ONECUT3: variants seen among roughly 807,000 people sequenced by gnomAD.
ONECUT3 encodes the protein one cut homeobox 3.
A neutral mutation model predicts 16.8 loss-of-function variants in ONECUT3; 11 were observed. That is an observed-to-expected ratio of 0.66 (90% CI 0.41 to 1.09). The LOEUF (loss-of-function observed/expected upper bound fraction) is 1.09, where lower values mean the gene tolerates loss of function less well. Ranked by LOEUF, ONECUT3 falls within the 50% of genes least tolerant of loss-of-function variation. The pLI, the probability that ONECUT3 is intolerant of heterozygous loss-of-function variation, is 0.00. For missense variants in ONECUT3, 637 were observed against 629.9 expected (o/e 1.01, Z -0.12); for synonymous variants, 344 against 310.7 (o/e 1.11, Z -1.13).
At position 1,778,778 on chromosome 19, in the gene ONECUT3, C is replaced by G. The variant is rs972483759; in HGVS notation, c.*3333C>G. 2 of 151,772 alleles carry G rather than the reference C, an allele frequency of 1.3e-5. No homozygotes were observed. The highest frequency in any genetic ancestry group is 4.9e-5 in the African/African-American group (2 of 41,132). The allele number at this position is 151,772 out of a possible 1,614,324, so 9.4% of individuals were successfully genotyped here. On this transcript the variant is annotated 3_prime_UTR_variant, in exon 2 of 2. Transcript: ENST00000382349. Reference sequence around the variant, plus strand: ...CTTGAGGCCAGGAGTTTGAGACCAGCCTGGGCAACACAGCAAGACCCCACT... The same window carrying G: ...CTTGAGGCCAGGAGTTTGAGACCAGGCTGGGCAACACAGCAAGACCCCACT...
chr19:1,754,407 G>A lies in ONECUT3; in HGVS notation c.745G>A (p.Ala249Thr), dbSNP rs1362487326. Residue 249 changes from alanine to threonine, a missense_variant, in exon 1 of 2, where the codon GCC becomes ACC. Physicochemically the swap from Ala to Thr is moderately conservative, Grantham distance 58. Transcript: ENST00000382349. This position sits in a 1 kb window ranked among gnomAD's most constrained non-coding sequence, Gnocchi z 7.4. The part of the protein sequence containing the change: ...LLPPAAFEPH[A>T]ALLGRAEDAL... Reference sequence around the variant, plus strand: ...GCCGCCCGCCGCCTTCGAGCCGCACGCCGCGCTGCTGGGACGCGCGGAGGA... The same window carrying A: ...GCCGCCCGCCGCCTTCGAGCCGCACACCGCGCTGCTGGGACGCGCGGAGGA... The A allele has an allele frequency of 2.5e-5, 27 of 1,081,688 alleles. No individual in the cohort carries two copies. The Admixed American group carries it at 1.1e-3, about 45-fold the overall frequency. 67.0% of individuals were successfully genotyped at this position (1,081,688 alleles called of 1,614,324 possible). A position where few individuals can be genotyped will look rare whatever the true frequency, so the allele number is the denominator to read the frequency against.
In ONECUT3 at chr19:1,780,731, C is replaced by T. The variant is rs188980888; in HGVS notation, c.*5286C>T. 1 of 152,338 alleles carries T rather than the reference C, an allele frequency of 6.6e-6. No individual in the cohort carries two copies. Among genetic ancestry groups the T allele is most frequent in the Non-Finnish European group, 1.5e-5 (1 of 68,046 alleles). 9.4% of individuals were successfully genotyped at this position (152,338 alleles called of 1,614,324 possible). A position where few individuals can be genotyped will look rare whatever the true frequency, so the allele number is the denominator to read the frequency against. On this transcript the variant is annotated 3_prime_UTR_variant, in exon 2 of 2. Transcript: ENST00000382349. ...GTTTAAGCAAAATCAGGCCAGTAGA[C>T]TCCTGGGGCTCCTCCTCGTGGCCCT...
In ONECUT3 at chr19:1,775,139, C is replaced by CCCCCCCCCCA; in HGVS notation, c.1193-13_1193-12insCCCCCCCCAC. The CCCCCCCCCCA allele has an allele frequency of 7.3e-7, 1 of 1,367,570 alleles. No homozygotes were observed. The highest frequency in any genetic ancestry group is 9.8e-7 in the Non-Finnish European group (1 of 1,021,606). The allele number at this position is 1,367,570 out of a possible 1,614,324, so 84.7% of individuals were successfully genotyped here. A position where few individuals can be genotyped will look rare whatever the true frequency, so the allele number is the denominator to read the frequency against. On this transcript the variant is annotated splice_polypyrimidine_tract_variant and intron_variant, in intron 1 of 1. Transcript: ENST00000382349. ...TGTGTCCCGCTCGCCCGCCCGCCCG[C>CCCCCCCCCCA]CGCTCGCCCGCAGCCTGCAAGCGCA...
rs1332476588 is a variant in ONECUT3 at position 1,758,691 on chromosome 19, C to T, written c.1192+3837C>T. Among the ~76,000 whole-genome samples, 2 of 151,354 alleles carry T rather than the reference C, an allele frequency of 1.3e-5. No homozygotes were observed. Among genetic ancestry groups the T allele is most frequent in the Admixed American group, 6.6e-5 (1 of 15,202 alleles). Reference sequence around the variant, plus strand: ...CCCCACCCCATGGTCCTCCGAGTCCCGCACTTCGGAGCTGCCTCCTGGTCA... The same window carrying T: ...CCCCACCCCATGGTCCTCCGAGTCCTGCACTTCGGAGCTGCCTCCTGGTCA... On this transcript the variant is annotated intron_variant, in intron 1 of 1. Coordinates refer to ENST00000382349, the MANE Select transcript of ONECUT3 (RefSeq NM_001080488.2). This position sits in a 1 kb window ranked among gnomAD's most constrained non-coding sequence, Gnocchi z 5.9.
In ONECUT3 at chr19:1,754,188, G is replaced by A; in HGVS notation, c.526G>A (p.Ala176Thr). 8.6e-7 allele frequency: 1 copy of A among 1,163,900 alleles called. No homozygotes were observed. The highest frequency in any genetic ancestry group is 1.1e-6 in the Non-Finnish European group (1 of 934,230). 72.1% of individuals were successfully genotyped at this position (1,163,900 alleles called of 1,614,324 possible). The change falls in exon 1 of 2, where the codon GCG (alanine) becomes ACG (threonine). Residue 176 changes from alanine (A) to threonine (T), a missense_variant. By Grantham distance (58) the Ala-to-Thr change is moderately conservative (BLOSUM62 0). Around this residue, in one of 3 missense-constraint regions of ONECUT3, gnomAD observed 419 missense variants for 377.9 expected, o/e 1.11. Coordinates refer to ENST00000382349, the MANE Select transcript of ONECUT3 (RefSeq NM_001080488.2). This position sits in a 1 kb window ranked among gnomAD's most constrained non-coding sequence, Gnocchi z 7.4. ...CTTCACCCTCATGCGCGACGAGCGGGCGGCGCTCGCCTCCGTGGGCCACCT... is the reference window on the plus strand; with the variant it reads ...CTTCACCCTCATGCGCGACGAGCGGACGGCGCTCGCCTCCGTGGGCCACCT... ...GSFTLMRDER[A>T]ALASVGHLYG...
intron 1 of ONECUT3, among the ~76,000 whole-genome samples, chr19:1,760,123 G>A (rs536739700): frequency 2.0e-5 from 3 of 152,206 alleles, no homozygotes; most frequent in East Asian, 1.9e-4. Flanking sequence ...TTTTGAACCC[G>A]ATGCGGTTCC....
rs182724246 is a variant in ONECUT3, at chr19:1,759,227, G to A, written c.1192+4373G>A. 6.1e-3 allele frequency among the ~76,000 whole-genome samples: 923 copies of A among 152,304 alleles called. 5 individuals are homozygous for A. Among genetic ancestry groups the A allele is most frequent in the Non-Finnish European group, 8.2e-3 (557 of 68,022 alleles). Reference sequence around the variant, plus strand: ...CCTCTGTTTGGTGGTGGGTGAGCAGGGGGGATGCCAGGGACTGGGGACCTG... The same window carrying A: ...CCTCTGTTTGGTGGTGGGTGAGCAGAGGGGATGCCAGGGACTGGGGACCTG... On this transcript the variant is annotated intron_variant, in intron 1 of 1. Coordinates refer to ENST00000382349, the MANE Select transcript of ONECUT3 (RefSeq NM_001080488.2). The surrounding 1 kb of genome is among the most constrained non-coding windows in gnomAD (Gnocchi z 4.1).
intron 1 of ONECUT3, among the ~76,000 whole-genome samples, chr19:1,763,300 G>A (rs1291266944): frequency 6.9e-6 from 1 of 145,350 alleles, no homozygotes; most frequent in Non-Finnish European, 1.5e-5. Context: ...GGAGGCAGAG[G>A]TTGCAGTGAG....
At chr19:1,774,364 T>G (rs959270466) in intron 1 of ONECUT3, among the ~76,000 whole-genome samples, 1 of 151,596 alleles carries the variant, frequency 6.6e-6, no homozygotes, top group African/African-American at 2.4e-5. Context: ...GAGGATCACT[T>G]GAGGCCAGGC....
At chr19:1,760,167 G>C (rs926822003) in intron 1 of ONECUT3, among the ~76,000 whole-genome samples, 5 of 152,220 alleles carry the variant, frequency 3.3e-5, no homozygotes, top group Non-Finnish European at 7.3e-5. Context: ...AGCTGAGGCC[G>C]AAGAGAAAGG....
At chr19:1,768,914 GAGGTGGTGGAGGTGA>G (rs1403559939) in intron 1 of ONECUT3, among the ~76,000 whole-genome samples, 11 of 147,762 alleles carry the variant, frequency 7.4e-5, no homozygotes, top group Non-Finnish European at 1.4e-4. Context: ...GGTGGAGGTG[GAGGTGGTGGAGGTGA>G]AGGTGGAGGA....
In ONECUT3 at chr19:1,762,586, C is replaced by T. The variant is rs1181364098; in HGVS notation, c.1192+7732C>T. 6.6e-6 allele frequency among the ~76,000 whole-genome samples: 1 copy of T among 152,226 alleles called. No homozygotes were observed. Among genetic ancestry groups the T allele is most frequent in the East Asian group, 1.9e-4 (1 of 5,192 alleles). The stretch of plus-strand genomic sequence containing the variant: ...GCGGGTGTGTGGATCCCAGAGCGCG[C>T]CCGGCCCCCAACAGCCTGACAGGAC... On this transcript the variant is annotated intron_variant, in intron 1 of 1. Transcript: ENST00000382349. This position sits in a 1 kb window ranked among gnomAD's most constrained non-coding sequence, Gnocchi z 4.4.
At position 1,758,370 on chromosome 19, in the gene ONECUT3, C is replaced by T. The variant is rs1198127370; in HGVS notation, c.1192+3516C>T. On this transcript the variant is annotated intron_variant, in intron 1 of 1. Transcript: ENST00000382349. The surrounding 1 kb of genome is among the most constrained non-coding windows in gnomAD (Gnocchi z 5.9). ...GGAGAGGAACTCTGGGTGCTGGAGG[C>T]TGCCTCTGTGTCCACCCCCGCCCTC... is the stretch of plus-strand genomic sequence containing the variant. Among the ~76,000 whole-genome samples the T allele has an allele frequency of 1.3e-5, 2 of 150,600 alleles. No homozygotes were observed. The highest frequency in any genetic ancestry group is 2.9e-5 in the Non-Finnish European group (2 of 67,860).
In ONECUT3 at chr19:1,753,770, C is replaced by A; in HGVS notation, c.108C>A (p.Arg36=). 1 of 990,442 alleles carries A rather than the reference C, an allele frequency of 1.0e-6. No individual in the cohort carries two copies. The highest frequency in any genetic ancestry group is 1.2e-6 in the Non-Finnish European group (1 of 834,026). 61.4% of individuals were successfully genotyped at this position (990,442 alleles called of 1,614,324 possible). A position where few individuals can be genotyped will look rare whatever the true frequency, so the allele number is the denominator to read the frequency against. The change falls in exon 1 of 2, where the codon CGC becomes CGA. Residue 36 remains arginine (R), a synonymous_variant. Transcript: ENST00000382349. ...GHARSAAAQH[R]GLVAPGRPGL... is the part of the protein sequence containing the mutation. ...CGCGCTCGGCGGCGGCGCAGCACCG[C>A]GGCCTGGTGGCGCCCGGGCGCCCGG...
rs2145958335 is a variant in ONECUT3, at chr19:1,759,458, T to G, written c.1192+4604T>G. ...CTGGAACCCCCACCCAAACTCTGGA[T>G]GAAGGGGAGGGATGAGCAGGGAGAG... is the stretch of plus-strand genomic sequence containing the variant. On this transcript the variant is annotated intron_variant, in intron 1 of 1. Coordinates refer to ENST00000382349, the MANE Select transcript of ONECUT3 (RefSeq NM_001080488.2). The surrounding 1 kb of genome is among the most constrained non-coding windows in gnomAD (Gnocchi z 4.1). Among the ~76,000 whole-genome samples the G allele has an allele frequency of 3.5e-5, 5 of 141,552 alleles. No homozygotes were observed. Among genetic ancestry groups the G allele is most frequent in the South Asian group, 2.3e-4 (1 of 4,272 alleles). The allele number at this position is 141,552 out of a possible 152,430, so 92.9% of individuals were successfully genotyped here. A position where few individuals can be genotyped will look rare whatever the true frequency, so the allele number is the denominator to read the frequency against.
At chr19:1,760,559 T>A (rs912136641) in intron 1 of ONECUT3, among the ~76,000 whole-genome samples, 57 of 151,792 alleles carry the variant, frequency 3.8e-4, no homozygotes, top group Admixed American at 6.6e-5. Flanking sequence ...TGCGCTGCGC[T>A]TCCCCCTGTG....
chr19:1,757,418 G>C (rs1042429885), intron 1 of ONECUT3, among the ~76,000 whole-genome samples: 2 of 152,246 alleles, frequency 1.3e-5, no homozygotes, highest in Non-Finnish European at 2.9e-5. Context: ...TAGAACAGTC[G>C]CCGTCTCAGG....
rs986916222 is a variant in ONECUT3 at position 1,779,524 on chromosome 19, A to G, written c.*4079A>G. ...CTTGTTTTCTGGAGTCATGTCTTAT[A>G]AGAGTATTTATTATTCTCTGTGTTC... On this transcript the variant is annotated 3_prime_UTR_variant, in exon 2 of 2. Coordinates refer to ENST00000382349, the MANE Select transcript of ONECUT3 (RefSeq NM_001080488.2). The G allele has an allele frequency of 6.6e-6, 1 of 151,996 alleles. No homozygotes were observed. Among genetic ancestry groups the G allele is most frequent in the Non-Finnish European group, 1.5e-5 (1 of 67,992 alleles). 9.4% of individuals were successfully genotyped at this position (151,996 alleles called of 1,614,324 possible).
intron 1 of ONECUT3, among the ~76,000 whole-genome samples, chr19:1,757,180 C>T (rs1009647453): frequency 2.0e-5 from 3 of 152,188 alleles, no homozygotes; most frequent in Middle Eastern, 3.2e-3. Flanking sequence ...ACCCAGCACC[C>T]GCCCTGAGTG....
Sources: gnomAD v4.1 joint callset for allele counts (sites outside exome capture counted in the v4.1 genomes callset) on GRCh38, gnomAD v4.1.1 for gene constraint, gnomAD v4.1.1 regional missense constraint, Gnocchi (gnomAD v3.1) non-coding constraint, MANE v1.5 for transcripts, NCBI Gene and HGNC (gene_info 2026-07-23, HGNC 2026-07-21) for gene names.